The following CTNNA2 variants were observed in gnomAD, a reference collection of about 807,000 sequenced individuals.
CTNNA2 encodes catenin alpha-2.
CTNNA2 carries 42 observed loss-of-function variants against 101.0 expected under a neutral mutation model. The observed-to-expected ratio is 0.42, with a 90% CI of 0.32 to 0.54. CTNNA2 has a LOEUF of 0.54. Ranked by LOEUF, CTNNA2 falls within the 20% of genes least tolerant of loss-of-function variation. The pLI is 0.14. For synonymous variants in CTNNA2, 450 were observed against 456.4 expected (o/e 0.99, Z 0.18); for missense variants, 871 against 1,223.1 (o/e 0.71, Z 4.29).
At chr2:80,402,420 G>T (rs564996271) in intron 8 of CTNNA2, among the ~76,000 whole-genome samples, 14 of 152,110 alleles carry the variant, frequency 9.2e-5, no homozygotes, top group South Asian at 2.1e-4. Context: ...GGGGCTAAAA[G>T]TTCTCACCTT....
At chr2:80,527,289 C>T (rs1024114802) in intron 9 of CTNNA2, among the ~76,000 whole-genome samples, 2 of 152,114 alleles carry the variant, frequency 1.3e-5, no homozygotes, top group East Asian at 3.9e-4. Context: ...CTTTAGAAAA[C>T]AGGGCACTAT....
intron 7 of CTNNA2, among the ~76,000 whole-genome samples, chr2:79,989,803 A>T (rs1183863014): frequency 6.6e-6 from 1 of 152,162 alleles, no homozygotes. Context: ...CTCTCCTGAG[A>T]TCCAAAGGGG....
rs779742594 is a variant in CTNNA2, at chr2:79,651,545, C to T, written c.-5-7C>T. 6.2e-7 allele frequency: 1 copy of T among 1,611,244 alleles called. No individual in the cohort carries two copies. Among genetic ancestry groups the T allele is most frequent in the African/African-American group, 1.3e-5 (1 of 74,838 alleles). ...TTATTTCTAACTGATTACATGTGTT[C>T]CCATAGGGAGCATGACTTCGGCAAC... On this transcript the variant is annotated splice_polypyrimidine_tract_variant and splice_region_variant and intron_variant, in intron 1 of 18. Coordinates refer to ENST00000402739, the MANE Select transcript of CTNNA2 (RefSeq NM_001282597.3).
chr2:80,421,525 C>T (rs1188556479), intron 9 of CTNNA2, among the ~76,000 whole-genome samples: 1 of 152,188 alleles, frequency 6.6e-6, no homozygotes, highest in Non-Finnish European at 1.5e-5. Context: ...ACCCTCTCCC[C>T]TTATTCTGTC....
chr2:80,563,217 A>G (rs1693763960), intron 12 of CTNNA2, among the ~76,000 whole-genome samples: 1 of 152,162 alleles, frequency 6.6e-6, no homozygotes, highest in African/African-American at 2.4e-5. Flanking sequence ...TAGCAGAGTC[A>G]GTGCTGGTGT....
chr2:80,356,286 T>C (rs918358012), intron 7 of CTNNA2, among the ~76,000 whole-genome samples: 5 of 152,140 alleles, frequency 3.3e-5, no homozygotes, highest in South Asian at 2.1e-4. Flanking sequence ...GAAAATGGAA[T>C]CTGTATTTGC....
At chr2:80,540,758 G>A (rs1385017501) in intron 9 of CTNNA2, among the ~76,000 whole-genome samples, 2 of 152,094 alleles carry the variant, frequency 1.3e-5, no homozygotes, top group Non-Finnish European at 2.9e-5. Flanking sequence ...GCAGTGGTGT[G>A]ATCTCAGCTC....
upstream of CTNNA2, among the ~76,000 whole-genome samples, chr2:79,512,824 C>A (rs866331848): frequency 1.7e-4 from 25 of 151,510 alleles, no homozygotes; most frequent in African/African-American, 4.8e-4. Flanking sequence ...CGCGGCCCCC[C>A]ACCCAGCCAC....
chr2:80,363,010 A>C (rs1674566377), intron 7 of CTNNA2, among the ~76,000 whole-genome samples: 1 of 151,798 alleles, frequency 6.6e-6, no homozygotes, highest in Non-Finnish European at 1.5e-5. Flanking sequence ...GTCTCAAAAA[A>C]AAAAAAAAAA....
At chr2:79,411,776 A>G (rs1421850678) in intron 4 of CTNNA2, among the ~76,000 whole-genome samples, 2 of 152,152 alleles carry the variant, frequency 1.3e-5, no homozygotes, top group African/African-American at 2.4e-5. Flanking sequence ...AACCAGTTCC[A>G]GCTGCTGCAA....
At chr2:80,309,585 T>C (rs1677344978) in intron 7 of CTNNA2, among the ~76,000 whole-genome samples, 1 of 152,192 alleles carries the variant, frequency 6.6e-6, no homozygotes, top group Non-Finnish European at 1.5e-5. Flanking sequence ...GTCAGTGAAA[T>C]AGGGCTAAGG....
intron 9 of CTNNA2, among the ~76,000 whole-genome samples, chr2:80,518,037 C>T (rs1305584539): frequency 1.3e-5 from 2 of 152,178 alleles, no homozygotes. Flanking sequence ...CAAGGCAAGA[C>T]ACCAGACTTG....
At position 79,787,808 on chromosome 2, in the gene CTNNA2, C is replaced by A. The variant is rs1260340720; in HGVS notation, c.298+43226C>A. 2.6e-5 allele frequency among the ~76,000 whole-genome samples: 4 copies of A among 151,982 alleles called. No individual in the cohort carries two copies. The East Asian group carries it at 7.7e-4, about 29-fold the overall frequency. Reference sequence around the variant, plus strand: ...TCCTCTTACCTCTGTCTTATAAAGACCCTTCCAATGACACTGGGCCCACCT... The same window carrying A: ...TCCTCTTACCTCTGTCTTATAAAGAACCTTCCAATGACACTGGGCCCACCT... On this transcript the variant is annotated intron_variant, in intron 3 of 18. Transcript: ENST00000402739.
intron 7 of CTNNA2, among the ~76,000 whole-genome samples, chr2:79,982,340 ATATATAACC>A (rs1188638891): frequency 1.9e-4 from 19 of 102,060 alleles, no homozygotes; most frequent in Admixed American, 1.1e-3. Flanking sequence ...CATATAAAAC[ATATATAACC>A]TATATAACCT....
At chr2:80,570,163 C>A (rs369883001) in intron 12 of CTNNA2, among the ~76,000 whole-genome samples, 5 of 152,232 alleles carry the variant, frequency 3.3e-5, no homozygotes, top group African/African-American at 1.2e-4. Flanking sequence ...ATTCTCATGC[C>A]TCAGCCTCTC....
chr2:79,451,182 G>A (rs1056659938), intron 4 of CTNNA2, among the ~76,000 whole-genome samples: 8 of 152,020 alleles, frequency 5.3e-5, no homozygotes, highest in African/African-American at 9.7e-5. Context: ...ACTACTCAAG[G>A]ACTTACTATG....
chr2:80,001,587 G>T (rs1183790174), intron 7 of CTNNA2, among the ~76,000 whole-genome samples: 2 of 152,162 alleles, frequency 1.3e-5, no homozygotes, highest in African/African-American at 2.4e-5. Flanking sequence ...AATTGGCAGA[G>T]ATAAGAATAA....
chr2:80,228,668 G>A (rs1382816894), intron 7 of CTNNA2, among the ~76,000 whole-genome samples: 2 of 152,142 alleles, frequency 1.3e-5, no homozygotes, highest in African/African-American at 4.8e-5. Context: ...ACTCATTACA[G>A]GGGATTCTGA....
intron 9 of CTNNA2, among the ~76,000 whole-genome samples, chr2:80,516,228 C>A (rs1483528775): frequency 1.3e-5 from 2 of 152,186 alleles, no homozygotes; most frequent in Admixed American, 6.5e-5. Context: ...CACCTCATGC[C>A]ATGAATATCT....
Sources: gnomAD v4.1 joint callset for allele counts (sites outside exome capture counted in the v4.1 genomes callset) on GRCh38, gnomAD v4.1.1 for gene constraint, MANE v1.5 for transcripts, NCBI Gene and HGNC (gene_info 2026-07-23, HGNC 2026-07-21) for gene names.